Variants in MUSTN1 observed in about 807,000 individuals in gnomAD.
The protein encoded by MUSTN1 is musculoskeletal embryonic nuclear protein 1.
MUSTN1 carries 14 observed loss-of-function variants against 11.8 expected under a neutral mutation model. The observed-to-expected ratio is 1.18, with a 90% CI of 0.78 to 1.85. The LOEUF is 1.85. Ranked by LOEUF, MUSTN1 falls within the 40% of genes most tolerant of loss-of-function variation. The probability of loss-of-function intolerance (pLI) is 0.00; values close to 1 mark genes in which losing one functional copy is unlikely to be tolerated. For missense variants in MUSTN1, 111 were observed against 108.8 expected, an observed-to-expected ratio of 1.02 and a Z score of -0.09; for synonymous variants, 42 against 43.3, an observed-to-expected ratio of 0.97 and a Z score of 0.12.
rs1700625861 is a variant in MUSTN1 at position 52,833,142 on chromosome 3, C to G, written c.*182G>C. ...CTGATTGCTGGGGCCACGTGGGCAT[C>G]CTCTTTATTGGTGCTTCCAAGGTGC... On this transcript the variant is annotated 3_prime_UTR_variant, in exon 3 of 3. Coordinates refer to ENST00000446157, the MANE Select transcript of MUSTN1 (RefSeq NM_205853.4). 1 of 901,648 alleles carries G rather than the reference C, an allele frequency of 1.1e-6. No homozygotes were observed. Among genetic ancestry groups the G allele is most frequent in the Admixed American group, 2.0e-5 (1 of 50,208 alleles). The allele number at this position is 901,648 out of a possible 1,614,324, so 55.9% of individuals were successfully genotyped here.
chr3:52,833,175 G>C lies in MUSTN1; in HGVS notation c.*149C>G. 2 of 1,166,074 alleles carry C rather than the reference G, an allele frequency of 1.7e-6. No individual in the cohort carries two copies. The highest frequency in any genetic ancestry group is 2.5e-6 in the Non-Finnish European group (2 of 803,720). The allele number at this position is 1,166,074 out of a possible 1,614,324, so 72.2% of individuals were successfully genotyped here. A position where few individuals can be genotyped will look rare whatever the true frequency, so the allele number is the denominator to read the frequency against. On this transcript the variant is annotated 3_prime_UTR_variant, in exon 3 of 3. Coordinates refer to ENST00000446157, the MANE Select transcript of MUSTN1 (RefSeq NM_205853.4). ...TTGGTGCTTCCAAGGTGCTGGTGCA[G>C]AGCCCTTGGCTGAAGGGCCTGGACT... is the stretch of plus-strand genomic sequence containing the variant.
intron 1 of MUSTN1, among the ~76,000 whole-genome samples, chr3:52,834,499 T>C (rs1162002416): frequency 6.6e-6 from 1 of 152,078 alleles, no homozygotes; most frequent in Admixed American, 6.5e-5. Flanking sequence ...TCCAGCCTCA[T>C]GTGCACACAC....
At chr3:52,834,654 G>GACACA (rs1700665633) in intron 1 of MUSTN1, 1 of 573,692 alleles carries the variant, frequency 1.7e-6, no homozygotes, top group Non-Finnish European at 3.1e-6. Context: ...ACACAGATGC[G>GACACA]CACACACACA....
chr3:52,834,829 C>G, intron 1 of MUSTN1, 111 bp downstream of exon 1: 1 of 1,343,162 alleles, frequency 7.4e-7, no homozygotes, highest in South Asian at 1.3e-5. Context: ...TGCAGAGCCT[C>G]CAGTTCATGC....
chr3:52,834,276 G>A (rs1700653172), intron 1 of MUSTN1, among the ~76,000 whole-genome samples: 1 of 152,132 alleles, frequency 6.6e-6, no homozygotes, highest in Admixed American at 6.5e-5. Context: ...CAGGCAGCAA[G>A]GACAGTCCTC....
At chr3:52,834,013 G>A (rs778191157) in intron 1 of MUSTN1, among the ~76,000 whole-genome samples, 8 of 152,158 alleles carry the variant, frequency 5.3e-5, no homozygotes, top group Non-Finnish European at 1.2e-4. Context: ...TCACACTGGC[G>A]TGTCTGGCTA....
Position 52,833,761 on chromosome 3 carries a change from AAG to A in MUSTN1, c.10-14_10-13del. On this transcript the variant is annotated splice_polypyrimidine_tract_variant and intron_variant, in intron 1 of 2. Transcript: ENST00000446157. ...TCCTGAGCACCAGCCTTGGAGATCC[AAG>A]AGCCTCATCTTACTACCTGAAGCCT... 6.4e-7 allele frequency: 1 copy of A among 1,572,236 alleles called. No individual in the cohort carries two copies. The highest frequency in any genetic ancestry group is 1.2e-5 in the South Asian group (1 of 85,364).
In MUSTN1 at chr3:52,833,733, G is replaced by C; in HGVS notation, c.26C>G (p.Ala9Gly). The C allele has an allele frequency of 6.3e-7, 1 of 1,582,930 alleles. No individual in the cohort carries two copies. The highest frequency in any genetic ancestry group is 2.3e-5 in the East Asian group (1 of 43,334). Reference sequence around the variant, plus strand: ...AGGGGGGCGCTTCTTCTTGATAGGGGCTTCCTGAGCACCAGCCTTGGAGAT... The same window carrying C: ...AGGGGGGCGCTTCTTCTTGATAGGGCCTTCCTGAGCACCAGCCTTGGAGAT... The part of the protein sequence containing the change: MSQAGAQE[A>G]PIKKKRPPVK... The change falls in exon 2 of 3, where the codon GCC becomes GGC. Residue 9 changes from alanine to glycine, a missense_variant. Transcript: ENST00000446157.
Position 52,833,147 on chromosome 3 carries a change from T to G in MUSTN1, c.*177A>C. ...TGCTGGGGCCACGTGGGCATCCTCT[T>G]TATTGGTGCTTCCAAGGTGCTGGTG... On this transcript the variant is annotated 3_prime_UTR_variant, in exon 3 of 3. Coordinates refer to ENST00000446157, the MANE Select transcript of MUSTN1 (RefSeq NM_205853.4). 2 of 937,922 alleles carry G rather than the reference T, an allele frequency of 2.1e-6. No homozygotes were observed. Among genetic ancestry groups the G allele is most frequent in the Non-Finnish European group, 3.3e-6 (2 of 598,170 alleles). 58.1% of individuals were successfully genotyped at this position (937,922 alleles called of 1,614,324 possible). A position where few individuals can be genotyped will look rare whatever the true frequency, so the allele number is the denominator to read the frequency against.
chr3:52,833,633 C>G lies in MUSTN1; in HGVS notation c.126G>C (p.Gln42His). 6.2e-7 allele frequency: 1 copy of G among 1,610,508 alleles called. No individual in the cohort carries two copies. The highest frequency in any genetic ancestry group is 1.1e-5 in the South Asian group (1 of 90,098). ...KNQEIKSKTY[Q>H]VMRECEQAGS... ...GACACTCACCACACTCTCGCATGAC[C>G]TGGTAGGTCTTGGACTTGATTTCCT... The change falls in exon 2 of 3, where the codon CAG (glutamine) becomes CAC (histidine). Residue 42 changes from glutamine to histidine, a missense_variant. Gln to His is a conservative substitution (Grantham distance 24, BLOSUM62 0). Transcript: ENST00000446157.
rs981479693 is a variant in MUSTN1 at position 52,834,996 on chromosome 3, G to A, written c.-48C>T. 6.2e-7 allele frequency: 1 copy of A among 1,611,610 alleles called. No individual in the cohort carries two copies. The highest frequency in any genetic ancestry group is 1.3e-5 in the African/African-American group (1 of 74,928). On this transcript the variant is annotated 5_prime_UTR_variant, in exon 1 of 3. Transcript: ENST00000446157. ...GGTCTCTGAAGGCGCCTCTCTGGCA[G>A]GCAGCAGCTGCTGGAAAAGATCTGA...
intron 1 of MUSTN1, among the ~76,000 whole-genome samples, chr3:52,833,975 G>A (rs1700646187): frequency 6.6e-6 from 1 of 152,192 alleles, no homozygotes; most frequent in Non-Finnish European, 1.5e-5. Flanking sequence ...TAGCCTGGGA[G>A]CTCTTGGGAG....
chr3:52,833,405 C>T lies in MUSTN1; in HGVS notation c.168G>A (p.Ser56=), dbSNP rs762026691. The T allele has an allele frequency of 2.7e-5, 43 of 1,613,230 alleles. No homozygotes were observed. In the African/African-American group the frequency reaches 3.9e-4, roughly 15 times the overall value. The change falls in exon 3 of 3, where the codon TCG becomes TCA. Residue 56 remains serine, a synonymous_variant. Coordinates refer to ENST00000446157, the MANE Select transcript of MUSTN1 (RefSeq NM_205853.4). ...TACCTGTGCGGGTGCGGCTGAACAC[C>T]GACGGGGCGGCCGAGCCAGCTTGCT... is the stretch of plus-strand genomic sequence containing the variant. The part of the protein sequence containing the change: ...ECEQAGSAAP[S]VFSRTRTGTE...
intron 1 of MUSTN1, chr3:52,834,650 A>C (rs1485163211): frequency 9.9e-6 from 5 of 506,614 alleles, no homozygotes; most frequent in Non-Finnish European, 1.7e-5. Flanking sequence ...ACACACACAG[A>C]TGCGCACACA....
intron 1 of MUSTN1, among the ~76,000 whole-genome samples, chr3:52,834,198 C>T (rs1220617537): frequency 2.0e-5 from 3 of 152,198 alleles, no homozygotes; most frequent in Non-Finnish European, 4.4e-5. Context: ...GTCTTTGGGG[C>T]TGGAAATGGG....
At chr3:52,834,735 C>G (rs756587029) in intron 1 of MUSTN1, 21 of 708,374 alleles carry the variant, frequency 3.0e-5, no homozygotes, top group Non-Finnish European at 5.0e-5. Context: ...TCCACTCCTC[C>G]TAACAAACCG....
Position 52,833,325 on chromosome 3 carries a change from C to A in MUSTN1, c.248G>T (p.Ter83LeuextTer59). The change falls in exon 3 of 3, where the codon TGA (stop) becomes TTA (leucine). Residue 83 changes from the stop codon to leucine (L), a stop_lost. Transcript: ENST00000446157. ...AGCAAGGGGAGTGGCGCACACTTCTCAGCCGAAGACACTCTTGGTGGGTCC... is the reference window on the plus strand; with the variant it reads ...AGCAAGGGGAGTGGCGCACACTTCTAAGCCGAAGACACTCTTGGTGGGTCC... ...KAGPTKSVFG* is the reference protein window; with the variant it reads ...KAGPTKSVFGL 6.2e-7 allele frequency: 1 copy of A among 1,613,884 alleles called. No individual in the cohort carries two copies. The highest frequency in any genetic ancestry group is 8.5e-7 in the Non-Finnish European group (1 of 1,179,856).
At chr3:52,834,111 C>T (rs1328276191) in intron 1 of MUSTN1, among the ~76,000 whole-genome samples, 2 of 152,194 alleles carry the variant, frequency 1.3e-5, no homozygotes, top group Non-Finnish European at 2.9e-5. Context: ...TTGGTTAGTT[C>T]CAAAACCTGT....
intron 1 of MUSTN1, chr3:52,834,702 C>A (rs974949317): frequency 9.3e-6 from 5 of 536,618 alleles, no homozygotes; most frequent in African/African-American, 3.2e-5. Flanking sequence ...CTATCTAGGC[C>A]CCCCCCACCC....
Sources: allele counts gnomAD v4.1 joint callset (sites outside exome capture counted in the v4.1 genomes callset), GRCh38; gene constraint gnomAD v4.1.1; transcripts MANE v1.5; gene names NCBI Gene and HGNC (gene_info 2026-07-23, HGNC 2026-07-21).